SAMD4A: variants seen among roughly 807,000 people sequenced by gnomAD.
SAMD4A encodes the protein sterile alpha motif domain containing 4A, also known as protein Smaug homolog 1.
In SAMD4A, 33 loss-of-function variants were observed where a neutral mutation model predicts 81.3. The observed-to-expected ratio is 0.41, with a 90% confidence interval of 0.31 to 0.54. The LOEUF (loss-of-function observed/expected upper bound fraction) is 0.54, where lower values mean the gene tolerates loss of function less well. SAMD4A is among the 20% of genes least tolerant of loss of function. The pLI is 0.37. For missense variants in SAMD4A, 854 were observed against 951.1 expected, an observed-to-expected ratio of 0.90 and a Z score of 1.34; for synonymous variants, 389 against 382.1, an observed-to-expected ratio of 1.02 and a Z score of -0.21.
chr14:54,629,481 G>A (rs1166805765), intron 2 of SAMD4A, among the ~76,000 whole-genome samples: 6 of 152,074 alleles, frequency 3.9e-5, no homozygotes, highest in East Asian at 1.9e-4. Flanking sequence ...TGAATATTTC[G>A]TTTTATCTGT....
intron 2 of SAMD4A, among the ~76,000 whole-genome samples, chr14:54,641,760 C>T (rs540510131): frequency 2.6e-5 from 4 of 152,258 alleles, no homozygotes; most frequent in African/African-American, 9.6e-5. Context: ...CTTTAATTTT[C>T]TACACAGGCT....
At chr14:54,685,999 G>T (rs1244834361) in intron 2 of SAMD4A, 5 of 397,434 alleles carry the variant, frequency 1.3e-5, no homozygotes, top group Admixed American at 1.1e-4. Flanking sequence ...CTCATACAAA[G>T]GTCCTATGTA....
intron 2 of SAMD4A, among the ~76,000 whole-genome samples, chr14:54,605,160 C>T (rs1001986700): frequency 6.6e-6 from 1 of 152,050 alleles, no homozygotes; most frequent in African/African-American, 2.4e-5. Context: ...TTGACAATTA[C>T]AGCGGGGGTA....
rs770026696 is a variant in SAMD4A, at chr14:54,568,066, C to G, written c.150C>G (p.Ala50=). ...AGCTCTGCCTGGAGCACTCGCTGGC[C>G]GACTGCGCCGAGCTGCACGTCCTCG... ...FLQLCLEHSL[A]DCAELHVLER... Residue 50 remains alanine, a synonymous_variant, in exon 2 of 13, where the codon GCC becomes GCG. Transcript: ENST00000554335. 1 of 1,588,440 alleles carries G rather than the reference C, an allele frequency of 6.3e-7. No homozygotes were observed. Among genetic ancestry groups the G allele is most frequent in the Admixed American group, 1.7e-5 (1 of 58,750 alleles).
intron 2 of SAMD4A, among the ~76,000 whole-genome samples, chr14:54,587,261 C>CTG (rs2033648607): frequency 6.6e-6 from 1 of 152,050 alleles, no homozygotes; most frequent in Non-Finnish European, 1.5e-5. Context: ...AACTACTGAT[C>CTG]TGTGTACATT....
intron 2 of SAMD4A, among the ~76,000 whole-genome samples, chr14:54,646,555 A>G (rs1054192413): frequency 5.9e-5 from 9 of 152,242 alleles, no homozygotes; most frequent in African/African-American, 2.2e-4. Flanking sequence ...AGCCGTAGCA[A>G]GAGAAGAATG....
intron 7 of SAMD4A, among the ~76,000 whole-genome samples, chr14:54,762,509 C>T (rs1023905745): frequency 7.9e-5 from 12 of 152,206 alleles, no homozygotes; most frequent in African/African-American, 2.7e-4. Flanking sequence ...CGCTCTCCCC[C>T]ACCCACCCCT....
intron 2 of SAMD4A, among the ~76,000 whole-genome samples, chr14:54,636,619 A>G (rs1594758854): frequency 6.6e-6 from 1 of 152,330 alleles, no homozygotes; most frequent in African/African-American, 2.4e-5. Context: ...CAGCAGTGTA[A>G]CTGGTGAAAG....
intron 2 of SAMD4A, among the ~76,000 whole-genome samples, chr14:54,699,234 C>T (rs12588557): frequency 6.6e-6 from 1 of 152,124 alleles, no homozygotes; most frequent in East Asian, 1.9e-4. Flanking sequence ...CTGGTATTTG[C>T]TGAAGATGAA....
chr14:54,705,881 TA>T (rs1167664845), intron 3 of SAMD4A, among the ~76,000 whole-genome samples: 1 of 152,226 alleles, frequency 6.6e-6, no homozygotes, highest in Non-Finnish European at 1.5e-5. Context: ...TTGCTGGACT[TA>T]TCATCCATAG....
At chr14:54,723,818 C>T (rs1032818136) in intron 3 of SAMD4A, among the ~76,000 whole-genome samples, 1 of 152,202 alleles carries the variant, frequency 6.6e-6, no homozygotes, top group African/African-American at 2.4e-5. Context: ...GAGATGCTCA[C>T]TGTTCATTAC....
chr14:54,619,846 T>G (rs1384150770), intron 2 of SAMD4A, among the ~76,000 whole-genome samples: 1 of 152,234 alleles, frequency 6.6e-6, no homozygotes, highest in Non-Finnish European at 1.5e-5. Context: ...CTGCATAGTA[T>G]TTCATGGTGT....
chr14:54,757,383 T>TTGTGTGTGTGTGTGTGTG (rs3051653), intron 6 of SAMD4A, among the ~76,000 whole-genome samples: 10 of 140,156 alleles, frequency 7.1e-5, no homozygotes, highest in African/African-American at 2.2e-4. Context: ...GTTTCTTTAT[T>TTGTGTGTGTGTGTGTGTG]TGTGTGTGTG....
At chr14:54,662,104 G>A (rs937671045) in intron 2 of SAMD4A, among the ~76,000 whole-genome samples, 8 of 152,216 alleles carry the variant, frequency 5.3e-5, no homozygotes, top group African/African-American at 1.9e-4. Flanking sequence ...GCAGCTACAT[G>A]TGGGAGCTCT....
Position 54,751,440 on chromosome 14 carries a change from T to C in SAMD4A, c.1090-11T>C, listed in dbSNP as rs1036561191. The C allele has an allele frequency of 2.0e-6, 3 of 1,487,376 alleles. No individual in the cohort carries two copies. The highest frequency in any genetic ancestry group is 1.9e-6 in the Non-Finnish European group (2 of 1,076,874). 92.1% of individuals were successfully genotyped at this position (1,487,376 alleles called of 1,614,324 possible). On this transcript the variant is annotated splice_polypyrimidine_tract_variant and intron_variant, in intron 5 of 12. Transcript: ENST00000554335. ...ATATACATTTAAATGTAACTTGTTA[T>C]TTAATTACAGAATGTTACCAAAGGT...
chr14:54,599,982 T>C (rs1247073742), intron 2 of SAMD4A, among the ~76,000 whole-genome samples: 1 of 152,236 alleles, frequency 6.6e-6, no homozygotes, highest in African/African-American at 2.4e-5. Flanking sequence ...CATGTATTCC[T>C]GTATACACCC....
At chr14:54,704,105 A>T (rs1248158400) in intron 3 of SAMD4A, among the ~76,000 whole-genome samples, 1 of 152,154 alleles carries the variant, frequency 6.6e-6, no homozygotes, top group Admixed American at 6.5e-5. Flanking sequence ...TTCCATTTAG[A>T]TATGGTTAAC....
At chr14:54,660,066 C>T (rs1169884839) in intron 2 of SAMD4A, among the ~76,000 whole-genome samples, 35 of 151,104 alleles carry the variant, frequency 2.3e-4, no homozygotes, top group Admixed American at 2.1e-3. Context: ...GGCAACAGAG[C>T]GAGACTCCGT....
chr14:54,773,122 T>C (rs1186425054), intron 9 of SAMD4A, among the ~76,000 whole-genome samples: 1 of 152,218 alleles, frequency 6.6e-6, no homozygotes, highest in Non-Finnish European at 1.5e-5. Flanking sequence ...CACCAAAGCC[T>C]GGAAGTAGAA....
Sources: gnomAD v4.1 joint callset for allele counts (sites outside exome capture counted in the v4.1 genomes callset) on GRCh38, gnomAD v4.1.1 for gene constraint, MANE v1.5 for transcripts, NCBI Gene and HGNC (gene_info 2026-07-23, HGNC 2026-07-21) for gene names.